HEATR4: variants seen among roughly 807,000 people sequenced by gnomAD.
HEATR4 encodes HEAT repeat containing 4.
HEATR4 carries 95 observed loss-of-function variants against 108.8 expected under a neutral mutation model. The ratio of observed to expected loss-of-function variants is 0.87; its 90% CI spans 0.74 to 1.04. The LOEUF is 1.04. HEATR4 is among the 50% of genes least tolerant of loss of function. HEATR4 has a pLI of 0.00. For missense variants in HEATR4, 1,152 were observed against 1,253.8 expected, an observed-to-expected ratio of 0.92 and a Z score of 1.23; for synonymous variants, 443 against 459.4, an observed-to-expected ratio of 0.96 and a Z score of 0.46.
At chr14:73,521,944 G>A (rs117724255) in intron 3 of HEATR4, among the ~76,000 whole-genome samples, 2 of 152,214 alleles carry the variant, frequency 1.3e-5, no homozygotes, top group African/African-American at 4.8e-5. Flanking sequence ...GAATGACTTT[G>A]TTCCTCTTGG....
chr14:73,503,348 G>T (rs947139777), intron 10 of HEATR4, among the ~76,000 whole-genome samples: 1 of 152,202 alleles, frequency 6.6e-6, no homozygotes, highest in Non-Finnish European at 1.5e-5. Flanking sequence ...AAATTTGAAA[G>T]TGATACTTGA....
chr14:73,514,358 G>T, intron 5 of HEATR4, 124 bp from the exon 6 acceptor site: 1 of 785,140 alleles, frequency 1.3e-6, no homozygotes, highest in Non-Finnish European at 2.0e-6. Context: ...ACCCTCAAGA[G>T]TGAATTTCCC....
chr14:73,488,129 G>A (rs1002250704), intron 17 of HEATR4, among the ~76,000 whole-genome samples: 9 of 152,242 alleles, frequency 5.9e-5, no homozygotes, highest in African/African-American at 1.4e-4. Flanking sequence ...GGGCTGATAA[G>A]GTTTGGCTCT....
intron 17 of HEATR4, among the ~76,000 whole-genome samples, chr14:73,485,220 T>C (rs913557016): frequency 2.0e-5 from 3 of 152,094 alleles, no homozygotes; most frequent in African/African-American, 4.8e-5. Context: ...GTATATTGGC[T>C]GCATTTTTTA....
the HEATR4 span, among the ~76,000 whole-genome samples, chr14:73,613,964 C>G: frequency 7.4e-6 from 1 of 135,298 alleles, no homozygotes; most frequent in African/African-American, 2.8e-5. Context: ...CTGAGGTGGG[C>G]AGATCACTTG....
the HEATR4 span, among the ~76,000 whole-genome samples, chr14:73,627,480 T>C: frequency 2.6e-5 from 4 of 152,172 alleles, no homozygotes; most frequent in African/African-American, 9.7e-5. Flanking sequence ...AATGACCTCC[T>C]TGTTGGGTTT....
intron 12 of HEATR4, among the ~76,000 whole-genome samples, chr14:73,499,346 T>C (rs1019274706): frequency 3.3e-5 from 5 of 152,206 alleles, no homozygotes; most frequent in African/African-American, 1.2e-4. Context: ...CCGGGCATGG[T>C]GTCACACGCC....
intron 1 of HEATR4, among the ~76,000 whole-genome samples, chr14:73,535,493 T>C (rs1175850182): frequency 0.029 from 1,276 of 44,014 alleles, 307 homozygotes; most frequent in African/African-American, 0.12. Context: ...TTTTTTTTTT[T>C]TTTTTTTTTT....
At chr14:73,594,992 A>G in the HEATR4 span, 2 of 1,589,844 alleles carry the variant, frequency 1.3e-6, no homozygotes, top group Non-Finnish European at 1.7e-6. Flanking sequence ...GGCATGAGCC[A>G]CCGCACCCAA....
chr14:73,573,883 T>C, the HEATR4 span, among the ~76,000 whole-genome samples: 5 of 152,046 alleles, frequency 3.3e-5, 1 homozygote, highest in South Asian at 1.0e-3. Flanking sequence ...CCTGCCACCA[T>C]GCTTGGCTAA....
At chr14:73,509,858 A>ATT (rs1566832304) in intron 7 of HEATR4, among the ~76,000 whole-genome samples, 3 of 59,230 alleles carry the variant, frequency 5.1e-5, no homozygotes, top group African/African-American at 2.4e-4. Context: ...ATATATATAT[A>ATT]TATATATATA....
chr14:73,627,661 A>G, the HEATR4 span, among the ~76,000 whole-genome samples: 1 of 152,188 alleles, frequency 6.6e-6, no homozygotes, highest in African/African-American at 2.4e-5. Flanking sequence ...GTGTTCAGCT[A>G]TCCAGAAGAT....
intron 7 of HEATR4, among the ~76,000 whole-genome samples, chr14:73,510,636 A>G (rs1261137972): frequency 6.6e-6 from 1 of 152,000 alleles, no homozygotes; most frequent in Non-Finnish European, 1.5e-5. Context: ...AGGTTTCACC[A>G]TGTTGGCCAG....
At chr14:73,479,627 A>G (rs1449099039) in intron 17 of HEATR4, among the ~76,000 whole-genome samples, 1 of 149,558 alleles carries the variant, frequency 6.7e-6, no homozygotes, top group East Asian at 2.0e-4. Flanking sequence ...TAGTAGAGAC[A>G]GCGTTTCTCC....
the HEATR4 span, among the ~76,000 whole-genome samples, chr14:73,576,419 A>G: frequency 6.6e-6 from 1 of 152,038 alleles, no homozygotes; most frequent in East Asian, 1.9e-4. Flanking sequence ...GTTTATACAT[A>G]TGGACTTTTA....
At chr14:73,485,770 G>A (rs1885427572) in intron 17 of HEATR4, among the ~76,000 whole-genome samples, 1 of 151,940 alleles carries the variant, frequency 6.6e-6, no homozygotes, top group South Asian at 2.1e-4. Flanking sequence ...CTACTCAGGT[G>A]AGGCACAAGA....
the HEATR4 span, among the ~76,000 whole-genome samples, chr14:73,576,936 T>TC: frequency 3.6e-4 from 52 of 145,480 alleles, no homozygotes; most frequent in African/African-American, 5.0e-4. Flanking sequence ...TCTTTTCTTT[T>TC]TTTTTTTTTT....
At chr14:73,495,063 A>G (rs962666352) in intron 16 of HEATR4, among the ~76,000 whole-genome samples, 165 bp downstream of exon 16, 1 of 19,402 alleles carries the variant, frequency 5.2e-5, no homozygotes, top group Non-Finnish European at 1.1e-4. Flanking sequence ...CAAACAAACA[A>G]AAAAAAAACA....
chr14:73,585,863 T>C, the HEATR4 span, among the ~76,000 whole-genome samples: 1 of 140,108 alleles, frequency 7.1e-6, no homozygotes. Flanking sequence ...CTCTGTCCCC[T>C]AGGCTGGAGT....
Sources: allele counts gnomAD v4.1 joint callset (sites outside exome capture counted in the v4.1 genomes callset), GRCh38; gene constraint gnomAD v4.1.1; transcripts MANE v1.5; gene names NCBI Gene and HGNC (gene_info 2026-07-23, HGNC 2026-07-21).